Variants in ROGDI observed in about 807,000 individuals in gnomAD.
The protein encoded by ROGDI is rogdi atypical leucine zipper.
Under a neutral mutation model 43.1 loss-of-function variants are expected in ROGDI, and 46 were observed. That is an observed-to-expected ratio of 1.07 (90% CI 0.84 to 1.37). The LOEUF is 1.37. ROGDI is among the 40% of genes most tolerant of loss of function. The pLI is 0.00. For missense variants in ROGDI, 518 were observed against 383.9 expected (o/e 1.35, Z -2.92); for synonymous variants, 243 against 162.0 (o/e 1.50, Z -3.80).
intron 2 of ROGDI, 71 bp from the exon 3 acceptor site, chr16:4,801,656 C>G: frequency 2.9e-6 from 4 of 1,389,768 alleles, no homozygotes; most frequent in Non-Finnish European, 4.0e-6. Context: ...CTTCCAGAAG[C>G]CCCCCTCCCT....
In ROGDI at chr16:4,797,939, A is replaced by G. The variant is rs999063304; in HGVS notation, c.694T>C (p.Phe232Leu). 3 of 1,600,328 alleles carry G rather than the reference A, an allele frequency of 1.9e-6. No homozygotes were observed. The highest frequency in any genetic ancestry group is 2.6e-6 in the Non-Finnish European group (3 of 1,171,028). Residue 232 changes from phenylalanine (F) to leucine (L), a missense_variant and splice_region_variant, in exon 9 of 11, where the codon TTC becomes CTC. Phe to Leu is a conservative substitution (Grantham distance 22). Coordinates refer to ENST00000322048, the MANE Select transcript of ROGDI (RefSeq NM_024589.3). ...GAVLHSPGAMFEWGSQRLEVS... is the reference protein window; with the variant it reads ...GAVLHSPGAMLEWGSQRLEVS... ...GACCCCCCGCCCCTGCCTACTTACA[A>G]CATGGCCCCAGGGCTATGCAGCACC...
chr16:4,799,554 G>A (rs925419893), intron 6 of ROGDI, 132 bp downstream of exon 6: 16 of 623,176 alleles, frequency 2.6e-5, no homozygotes, highest in African/African-American at 2.2e-4. Context: ...TAGAAATGGA[G>A]ACACAGAGTC....
chr16:4,802,107 G>A, intron 2 of ROGDI: 1 of 647,040 alleles, frequency 1.5e-6, no homozygotes, highest in South Asian at 1.5e-5. Flanking sequence ...TCGGCTCCCA[G>A]ATTGGATGCC....
In ROGDI at chr16:4,800,868, G is replaced by A. The variant is rs1279381626; in HGVS notation, c.256-290C>T. 7 of 537,006 alleles carry A rather than the reference G, an allele frequency of 1.3e-5. No individual in the cohort carries two copies. In the Admixed American group the frequency reaches 1.7e-4, roughly 13 times the overall value. 33.3% of individuals were successfully genotyped at this position (537,006 alleles called of 1,614,324 possible). On this transcript the variant is annotated intron_variant, in intron 4 of 10. Coordinates refer to ENST00000322048, the MANE Select transcript of ROGDI (RefSeq NM_024589.3). ...CTGTGAGGCTCTGTGCGAACGGGGT[G>A]CATCTAGTGTCTACAAAGGGCAACA...
Position 4,798,573 on chromosome 16 carries a change from A to G in ROGDI, c.527T>C (p.Leu176Pro). The G allele has an allele frequency of 6.4e-7, 1 of 1,555,558 alleles. No homozygotes were observed. Among genetic ancestry groups the G allele is most frequent in the Admixed American group, 2.0e-5 (1 of 50,868 alleles). Residue 176 changes from leucine (L) to proline (P), a missense_variant, in exon 7 of 11, where the codon CTC becomes CCC. By Grantham distance (98) the Leu-to-Pro change is moderately conservative (BLOSUM62 -3). Coordinates refer to ENST00000322048, the MANE Select transcript of ROGDI (RefSeq NM_024589.3). ...GGGGCTGGCAGGGGCACTGACCGTG[A>G]GGCCGCTGGCGGCGATCTCGGGGAG... ...LTLPEIAASG[L>P]TRMFAPALPS...
At chr16:4,800,845 G>A (rs910144273) in intron 4 of ROGDI, 4 of 557,682 alleles carry the variant, frequency 7.2e-6, no homozygotes, top group East Asian at 3.1e-5. Context: ...GGCAGCCTCT[G>A]TGAGGCTCTG....
Position 4,798,096 on chromosome 16 carries a change from T to C in ROGDI, c.620A>G (p.His207Arg), listed in dbSNP as rs994876248. ...NKLCLTVYQL[H>R]ALQPNSTKNF... ...CTTGGTGGAGTTGGGCTGCAGGGCA[T>C]GCAGCTGGTACACCGTGAGGCAGAG... The change falls in exon 8 of 11, where the codon CAT (histidine) becomes CGT (arginine). Residue 207 changes from histidine to arginine, a missense_variant. His to Arg is a conservative substitution (Grantham distance 29, BLOSUM62 0). Transcript: ENST00000322048. 3.3e-5 allele frequency: 54 copies of C among 1,613,856 alleles called. No individual in the cohort carries two copies. Among genetic ancestry groups the C allele is most frequent in the East Asian group, 6.7e-5 (3 of 44,882 alleles).
intron 7 of ROGDI, 71 bp downstream of exon 7, chr16:4,798,498 C>T: frequency 8.1e-7 from 1 of 1,233,874 alleles, no homozygotes; most frequent in Non-Finnish European, 1.1e-6. Flanking sequence ...CCCTCCGCGT[C>T]CATCCTGAGG....
chr16:4,800,666 G>A (rs962943021), intron 4 of ROGDI, 88 bp from the exon 5 acceptor site: 4 of 1,127,808 alleles, frequency 3.5e-6, no homozygotes, highest in Non-Finnish European at 5.2e-6. Context: ...GGCAGAAATG[G>A]GGTGTGTGGT....
chr16:4,799,326 G>A lies in ROGDI; in HGVS notation c.432+360C>T, dbSNP rs766244775. Among the ~76,000 whole-genome samples, 10 of 152,216 alleles carry A rather than the reference G, an allele frequency of 6.6e-5. 1 individual carries two copies. The highest frequency in any genetic ancestry group is 5.2e-4 in the Admixed American group (8 of 15,298). ...AAGTGTGAGGAAACAGAGGTCCAGA[G>A]AGGGCAGGTGAACCACCGGAGGACA... On this transcript the variant is annotated intron_variant, in intron 6 of 10. Coordinates refer to ENST00000322048, the MANE Select transcript of ROGDI (RefSeq NM_024589.3).
intron 4 of ROGDI, 82 bp from the exon 5 acceptor site, chr16:4,800,660 G>A: frequency 8.6e-7 from 1 of 1,160,210 alleles, no homozygotes; most frequent in South Asian, 1.3e-5. Flanking sequence ...GCCCAGGGCA[G>A]AAATGGGGTG....
chr16:4,800,193 G>A (rs2082698790), intron 5 of ROGDI, among the ~76,000 whole-genome samples: 1 of 152,150 alleles, frequency 6.6e-6, no homozygotes, highest in African/African-American at 2.4e-5. Context: ...GTCCCTGGAG[G>A]CTCTGGGCAA....
chr16:4,801,903 G>A (rs1287777237), intron 2 of ROGDI: 35 of 571,626 alleles, frequency 6.1e-5, no homozygotes, highest in South Asian at 9.0e-5. Flanking sequence ...CAAGGCAGTA[G>A]TTATGGTAAC....
chr16:4,799,879 C>T (rs1202277230), intron 5 of ROGDI, 98 bp from the exon 6 acceptor site: 7 of 832,382 alleles, frequency 8.4e-6, no homozygotes, highest in African/African-American at 1.7e-5. Context: ...TTCCACTCTC[C>T]ACACTGTCAT....
chr16:4,802,254 C>T (rs889516914), intron 2 of ROGDI, 128 bp downstream of exon 2: 5 of 849,178 alleles, frequency 5.9e-6, no homozygotes, highest in South Asian at 1.5e-5. Context: ...GGAGGCGGGG[C>T]CCTGCCTGAA....
chr16:4,801,812 C>T lies in ROGDI; in HGVS notation c.118-227G>A. Reference sequence around the variant, plus strand: ...ATTCCCTGAACACCTCCTGTGTGCCCGCCTCGGGGAATACAAAACAGACAG... The same window carrying T: ...ATTCCCTGAACACCTCCTGTGTGCCTGCCTCGGGGAATACAAAACAGACAG... On this transcript the variant is annotated intron_variant, in intron 2 of 10. Coordinates refer to ENST00000322048, the MANE Select transcript of ROGDI (RefSeq NM_024589.3). 5.0e-6 allele frequency: 3 copies of T among 597,708 alleles called. No homozygotes were observed. The South Asian group carries it at 5.9e-5, about 12-fold the overall frequency. 37.0% of individuals were successfully genotyped at this position (597,708 alleles called of 1,614,324 possible). A position where few individuals can be genotyped will look rare whatever the true frequency, so the allele number is the denominator to read the frequency against.
In ROGDI at chr16:4,799,760, C is replaced by T; in HGVS notation, c.358G>A (p.Val120Met). Residue 120 changes from valine (V) to methionine (M), a missense_variant, in exon 6 of 11, where the codon GTG becomes ATG. Coordinates refer to ENST00000322048, the MANE Select transcript of ROGDI (RefSeq NM_024589.3). ...LQQIQDARNH[V>M]SQAIYLLTSR... Reference sequence around the variant, plus strand: ...GTAAGCAGGTAAATGGCTTGGCTCACATGGTTTCTGGCATCCTGGATCTGG... The same window carrying T: ...GTAAGCAGGTAAATGGCTTGGCTCATATGGTTTCTGGCATCCTGGATCTGG... 4 of 1,613,616 alleles carry T rather than the reference C, an allele frequency of 2.5e-6. No individual in the cohort carries two copies. The highest frequency in any genetic ancestry group is 3.4e-6 in the Non-Finnish European group (4 of 1,179,686).
At position 4,801,120 on chromosome 16, in the gene ROGDI, G is replaced by T. The variant is rs535185160; in HGVS notation, c.255+147C>A. On this transcript the variant is annotated intron_variant, in intron 4 of 10. Transcript: ENST00000322048. ...ACCGATCCCGGGAGAAGGTGTGAGG[G>T]TTGCTGTCATTTTCCAAAGGAGAAA... 8 of 616,128 alleles carry T rather than the reference G, an allele frequency of 1.3e-5. No homozygotes were observed. In the South Asian group the frequency reaches 1.4e-4, roughly 11 times the overall value. The allele number at this position is 616,128 out of a possible 1,614,324, so 38.2% of individuals were successfully genotyped here. A position where few individuals can be genotyped will look rare whatever the true frequency, so the allele number is the denominator to read the frequency against.
intron 2 of ROGDI, chr16:4,801,995 GA>G (rs1316615987): frequency 3.5e-6 from 2 of 579,026 alleles, no homozygotes; most frequent in Non-Finnish European, 3.3e-6. Flanking sequence ...CCAGCCTCGC[GA>G]AGCGGGTACT....
Sources: allele counts gnomAD v4.1 joint callset (sites outside exome capture counted in the v4.1 genomes callset), GRCh38; gene constraint gnomAD v4.1.1; transcripts MANE v1.5; gene names NCBI Gene and HGNC (gene_info 2026-07-23, HGNC 2026-07-21).